Variants in SYT1 observed in about 807,000 individuals in gnomAD.
The protein encoded by SYT1 is synaptotagmin-1.
Under a neutral mutation model 44.8 loss-of-function variants are expected in SYT1, and 8 were observed. The ratio of observed to expected loss-of-function variants is 0.18; its 90% CI spans 0.10 to 0.32. The LOEUF (loss-of-function observed/expected upper bound fraction) is 0.32. Ranked by LOEUF, SYT1 falls within the 10% of genes least tolerant of loss-of-function variation. The pLI, the probability that SYT1 is intolerant of heterozygous loss-of-function variation, is 1.00. For missense variants in SYT1, 286 were observed against 509.3 expected, an observed-to-expected ratio of 0.56 and a Z score of 4.22; for synonymous variants, 154 against 188.8, an observed-to-expected ratio of 0.82 and a Z score of 1.51.
intron 1 of SYT1, among the ~76,000 whole-genome samples, chr12:78,976,058 A>G (rs1304964874): frequency 6.6e-6 from 1 of 152,204 alleles, no homozygotes; most frequent in East Asian, 1.9e-4. Context: ...GTGAGAAATT[A>G]GAATTATTTT....
chr12:79,282,064 CTT>C (rs879522397), intron 4 of SYT1, among the ~76,000 whole-genome samples: 6 of 152,316 alleles, frequency 3.9e-5, no homozygotes, highest in East Asian at 1.9e-4. Flanking sequence ...CCCTCTCTCT[CTT>C]GGACTCTGAC....
chr12:78,871,195 T>C (rs1873803340), intron 1 of SYT1, among the ~76,000 whole-genome samples: 1 of 152,060 alleles, frequency 6.6e-6, no homozygotes, highest in Non-Finnish European at 1.5e-5. Context: ...CCCAGATAAC[T>C]GACAATTTGT....
intron 1 of SYT1, among the ~76,000 whole-genome samples, chr12:78,906,801 C>T (rs778198055): frequency 3.9e-5 from 6 of 151,930 alleles, no homozygotes; most frequent in Non-Finnish European, 5.9e-5. Flanking sequence ...ATCCCTAGGC[C>T]GTATTGATCA....
chr12:79,243,645 C>T (rs1213272457), intron 4 of SYT1, among the ~76,000 whole-genome samples: 1 of 152,108 alleles, frequency 6.6e-6, no homozygotes, highest in Non-Finnish European at 1.5e-5. Context: ...GCAGAGTTGT[C>T]ACTTTAAAGA....
intron 8 of SYT1, among the ~76,000 whole-genome samples, chr12:79,322,569 A>T (rs531428340): frequency 6.6e-6 from 1 of 152,196 alleles, no homozygotes; most frequent in South Asian, 2.1e-4. Flanking sequence ...GGACACTTTA[A>T]TGTGCTATGG....
chr12:79,381,149 G>A (rs1884204953), intron 9 of SYT1, among the ~76,000 whole-genome samples: 1 of 152,098 alleles, frequency 6.6e-6, no homozygotes, highest in African/African-American at 2.4e-5. Flanking sequence ...TGAAACATTG[G>A]CAACGAATGG....
rs1241294767 is a variant in SYT1 at position 79,431,512 on chromosome 12, TATTA to T, written c.929-12560_929-12557del. Among the ~76,000 whole-genome samples the T allele has an allele frequency of 1.5e-3, 76 of 49,366 alleles. 1 individual carries two copies. Among genetic ancestry groups the T allele is most frequent in the South Asian group, 3.2e-3 (5 of 1,572 alleles). The allele number at this position is 49,366 out of a possible 152,430, so 32.4% of individuals were successfully genotyped here. ...AGCCATAGTTTATTTTATTTTATTTTATTATTTATTTATTTATTTATTTATTTAT... is the reference window on the plus strand; with the variant it reads ...AGCCATAGTTTATTTTATTTTATTTTTTTATTTATTTATTTATTTATTTAT... On this transcript the variant is annotated intron_variant, in intron 9 of 10. Coordinates refer to ENST00000261205, the MANE Select transcript of SYT1 (RefSeq NM_005639.3).
intron 3 of SYT1, among the ~76,000 whole-genome samples, chr12:79,145,724 T>G (rs888411944): frequency 3.9e-5 from 6 of 151,926 alleles, no homozygotes; most frequent in African/African-American, 1.5e-4. Context: ...GAACCCAAGA[T>G]TTAAACATAG....
At chr12:79,214,357 G>C (rs1432012452) in intron 3 of SYT1, among the ~76,000 whole-genome samples, 1 of 151,756 alleles carries the variant, frequency 6.6e-6, no homozygotes, top group Non-Finnish European at 1.5e-5. Flanking sequence ...ACCTTCCAAG[G>C]GTATTTTATG....
intron 8 of SYT1, among the ~76,000 whole-genome samples, chr12:79,343,353 G>A (rs1882461354): frequency 6.6e-6 from 1 of 152,168 alleles, no homozygotes; most frequent in Admixed American, 6.5e-5. Context: ...TAGGAATTTT[G>A]TTATGATAAT....
chr12:78,916,170 T>C (rs553054206), intron 1 of SYT1, among the ~76,000 whole-genome samples: 1 of 152,044 alleles, frequency 6.6e-6, no homozygotes, highest in South Asian at 2.1e-4. Flanking sequence ...AGCTCTGTGG[T>C]TGAACCTGCC....
intron 1 of SYT1, among the ~76,000 whole-genome samples, chr12:78,977,213 TTAG>T (rs1183055845): frequency 2.6e-5 from 4 of 152,126 alleles, no homozygotes; most frequent in African/African-American, 9.6e-5. Flanking sequence ...CCCAGATGCT[TTAG>T]TATGTGCAGT....
At position 79,092,906 on chromosome 12, in the gene SYT1, A is replaced by C. The variant is rs540123017; in HGVS notation, c.-18+45544A>C. ...TTCATAACAAGTCATTGACAAGGAA[A>C]TGTGTTGTGGCACACAACGCTTTAA... On this transcript the variant is annotated intron_variant, in intron 3 of 10. Coordinates refer to ENST00000261205, the MANE Select transcript of SYT1 (RefSeq NM_005639.3). Among the ~76,000 whole-genome samples the C allele has an allele frequency of 2.0e-5, 3 of 151,864 alleles. No individual in the cohort carries two copies. The East Asian group carries it at 5.8e-4, about 29-fold the overall frequency.
intron 3 of SYT1, among the ~76,000 whole-genome samples, chr12:79,105,300 C>T (rs1878654232): frequency 1.3e-5 from 2 of 152,130 alleles, no homozygotes; most frequent in South Asian, 4.1e-4. Context: ...GATGCATGTA[C>T]AGGGCTTAGC....
At chr12:78,918,976 G>T (rs377558595) in intron 1 of SYT1, among the ~76,000 whole-genome samples, 1 of 151,972 alleles carries the variant, frequency 6.6e-6, no homozygotes, top group South Asian at 2.1e-4. Flanking sequence ...TGGTAATTAA[G>T]ATCAAGATGT....
Position 79,059,176 on chromosome 12 carries a change from G to A in SYT1, c.-18+11814G>A, listed in dbSNP as rs527513499. Among the ~76,000 whole-genome samples the A allele has an allele frequency of 7.6e-4, 115 of 152,060 alleles. 2 individuals are homozygous for A. Among genetic ancestry groups the A allele is most frequent in the African/African-American group, 2.7e-3 (111 of 41,502 alleles). On this transcript the variant is annotated intron_variant, in intron 3 of 10. Transcript: ENST00000261205. ...TCAGATCTCATGAGACTTATTCACT[G>A]TCACGAGAACAGCATGGGAAAGACG...
chr12:79,378,848 C>A (rs1884105221), intron 9 of SYT1, among the ~76,000 whole-genome samples: 1 of 152,084 alleles, frequency 6.6e-6, no homozygotes, highest in Non-Finnish European at 1.5e-5. Context: ...ATAAAAATGG[C>A]CATTAGATGA....
At chr12:79,114,677 A>C (rs1249093642) in intron 3 of SYT1, among the ~76,000 whole-genome samples, 1 of 152,202 alleles carries the variant, frequency 6.6e-6, no homozygotes, top group African/African-American at 2.4e-5. Context: ...AGCTCTTTGA[A>C]GTATATTCCC....
intron 2 of SYT1, among the ~76,000 whole-genome samples, chr12:79,027,136 C>T (rs969670267): frequency 2.0e-5 from 3 of 151,672 alleles, no homozygotes; most frequent in Non-Finnish European, 4.4e-5. Context: ...GCCACTGAGC[C>T]TTCAGCTCTC....
Sources: gnomAD v4.1 joint callset for allele counts (sites outside exome capture counted in the v4.1 genomes callset) on GRCh38, gnomAD v4.1.1 for gene constraint, MANE v1.5 for transcripts, NCBI Gene and HGNC (gene_info 2026-07-23, HGNC 2026-07-21) for gene names.